FAM161A: variants seen among roughly 807,000 people sequenced by gnomAD.
FAM161A encodes the protein FAM161 centrosomal protein A, also known as protein FAM161A.
Under a neutral mutation model 70.9 loss-of-function variants are expected in FAM161A, and 57 were observed. The observed-to-expected ratio is 0.80, with a 90% confidence interval of 0.65 to 1.00. The LOEUF (loss-of-function observed/expected upper bound fraction) is 1.00. Ranked by LOEUF, FAM161A falls within the 50% of genes least tolerant of loss-of-function variation. The probability of loss-of-function intolerance (pLI) is 0.00; values close to 1 mark genes in which losing one functional copy is unlikely to be tolerated. For synonymous variants in FAM161A, 299 were observed against 295.7 expected, an observed-to-expected ratio of 1.01 and a Z score of -0.12; for missense variants, 880 against 836.0, an observed-to-expected ratio of 1.05 and a Z score of -0.65.
chr2:61,835,466 C>CA (rs1672736075), intron 5 of FAM161A: 1 of 146,382 alleles, frequency 6.8e-6, no homozygotes, highest in African/African-American at 2.6e-5. Context: ...TACAGACTCA[C>CA]TTAAAAAAAA....
At chr2:61,806,680 CTTTTTTTTT>C in the FAM161A span, among the ~76,000 whole-genome samples, 40 of 61,590 alleles carry the variant, frequency 6.5e-4, no homozygotes, top group Admixed American at 2.4e-3. Context: ...CTTTCCACGT[CTTTTTTTTT>C]TTTTTTTTTT....
chr2:61,846,822 T>C, intron 1 of FAM161A: 1 of 409,358 alleles, frequency 2.4e-6, no homozygotes, highest in African/African-American at 2.1e-5. Flanking sequence ...CGGTTATTCA[T>C]CTGGGCAGCA....
rs992513861 is a variant in FAM161A at position 61,846,120 on chromosome 2, G to T, written c.184-3760C>A. Among the ~76,000 whole-genome samples the T allele has an allele frequency of 2.9e-5, 4 of 139,876 alleles. No homozygotes were observed. In the South Asian group the frequency reaches 6.9e-4, roughly 24 times the overall value. 91.8% of individuals were successfully genotyped at this position (139,876 alleles called of 152,430 possible). A position where few individuals can be genotyped will look rare whatever the true frequency, so the allele number is the denominator to read the frequency against. On this transcript the variant is annotated intron_variant, in intron 1 of 6. Transcript: ENST00000404929. ...AAAAAAAAAAAAAAAAAAGAATGGA[G>T]AAATCTATAGGATCACAGAGTGTTT...
At chr2:61,841,229 G>A (rs926439581) in intron 2 of FAM161A, among the ~76,000 whole-genome samples, 5 of 152,028 alleles carry the variant, frequency 3.3e-5, no homozygotes, top group African/African-American at 7.2e-5. Flanking sequence ...TCACTGCTAC[G>A]AAGTCAAGCC....
intron 4 of FAM161A, 181 bp from the exon 5 acceptor site, chr2:61,836,290 T>C (rs141330241): frequency 2.4e-5 from 14 of 578,006 alleles, no homozygotes; most frequent in East Asian, 6.1e-5. Context: ...TCCTCTTCTA[T>C]ACCGGTTAAT....
At chr2:61,843,410 A>G (rs1673091892) in intron 1 of FAM161A, among the ~76,000 whole-genome samples, 1 of 152,024 alleles carries the variant, frequency 6.6e-6, no homozygotes, top group Non-Finnish European at 1.5e-5. Context: ...TATGGGCATG[A>G]GCCACCGTGC....
chr2:61,847,577 C>G (rs1000121249), intron 1 of FAM161A, among the ~76,000 whole-genome samples: 6 of 152,040 alleles, frequency 3.9e-5, no homozygotes, highest in African/African-American at 1.4e-4. Context: ...TTCAGACCAG[C>G]CTGGGTAACA....
intron 5 of FAM161A, among the ~76,000 whole-genome samples, chr2:61,832,263 A>C (rs10165560): frequency 0.22 from 32,899 of 149,122 alleles, 4,059 homozygotes; most frequent in Non-Finnish European, 0.25. Flanking sequence ...AAAAAAACCA[A>C]CAACAACAAC....
rs115198806 is a variant in FAM161A at position 61,837,038 on chromosome 2, T to A, written c.1752-929A>T. Among the ~76,000 whole-genome samples the A allele has an allele frequency of 7.6e-3, 1,153 of 152,256 alleles. 13 individuals are homozygous for A. Among genetic ancestry groups the A allele is most frequent in the African/African-American group, 0.026 (1,062 of 41,546 alleles). ...TGCCACCACACCTGGCTAATTTTTT[T>A]AAATTTTTTGTAGAGATGGGGGTCT... On this transcript the variant is annotated intron_variant, in intron 4 of 6. Coordinates refer to ENST00000404929, the MANE Select transcript of FAM161A (RefSeq NM_001201543.2).
chr2:61,839,555 T>C lies in FAM161A; in HGVS notation c.1449A>G (p.Leu483=). ...ACAAATAAGGCCAACGTGTTTCTTT[T>C]AAATTTTCTTCATCTGCTTCGATGT... ...LADIEADEEN[L]KETRWPYLSP... Residue 483 remains leucine (L), a synonymous_variant, in exon 3 of 7, where the codon TTA becomes TTG. Transcript: ENST00000404929. 1.9e-6 allele frequency: 3 copies of C among 1,614,264 alleles called. No homozygotes were observed. Among genetic ancestry groups the C allele is most frequent in the Non-Finnish European group, 2.5e-6 (3 of 1,180,054 alleles).
rs1572854468 is a variant in FAM161A, at chr2:61,825,523, T to C, written c.*932A>G. ...TTCCTAATAATTTACAAATCAAAAATAATTTGGACTAGAACTAAGGATAAA... is the reference window on the plus strand; with the variant it reads ...TTCCTAATAATTTACAAATCAAAAACAATTTGGACTAGAACTAAGGATAAA... On this transcript the variant is annotated 3_prime_UTR_variant, in exon 7 of 7. Coordinates refer to ENST00000404929, the MANE Select transcript of FAM161A (RefSeq NM_001201543.2). The C allele has an allele frequency of 2.3e-6, 1 of 441,430 alleles. No homozygotes were observed. The highest frequency in any genetic ancestry group is 6.9e-5 in the East Asian group (1 of 14,396). The allele number at this position is 441,430 out of a possible 1,614,324, so 27.3% of individuals were successfully genotyped here. A position where few individuals can be genotyped will look rare whatever the true frequency, so the allele number is the denominator to read the frequency against.
intron 5 of FAM161A, among the ~76,000 whole-genome samples, chr2:61,834,351 G>A (rs1223860952): frequency 6.6e-6 from 1 of 152,132 alleles, no homozygotes; most frequent in African/African-American, 2.4e-5. Context: ...GAGAATATAA[G>A]AGGGAGAGTG....
At chr2:61,844,485 G>T (rs1335259198) in intron 1 of FAM161A, among the ~76,000 whole-genome samples, 4 of 152,038 alleles carry the variant, frequency 2.6e-5, no homozygotes, top group African/African-American at 9.7e-5. Context: ...GATCACTTGA[G>T]GTCAGGAGTT....
At chr2:61,844,724 A>C (rs1673144707) in intron 1 of FAM161A, among the ~76,000 whole-genome samples, 1 of 151,844 alleles carries the variant, frequency 6.6e-6, no homozygotes, top group Admixed American at 6.6e-5. Flanking sequence ...ACAAACAAAA[A>C]CTCTACCTTT....
chr2:61,839,298 AAT>A, intron 3 of FAM161A, 121 bp downstream of exon 3: 1 of 831,740 alleles, frequency 1.2e-6, no homozygotes, highest in South Asian at 1.6e-5. Context: ...TATATAGTAA[AAT>A]ATCTTATAGA....
chr2:61,826,644 G>C (rs375275247), intron 6 of FAM161A, 45 bp from the exon 7 acceptor site: 2 of 1,556,042 alleles, frequency 1.3e-6, no homozygotes, highest in Non-Finnish European at 8.8e-7. Flanking sequence ...AAATGAGTTG[G>C]TTTAAAGGTA....
intron 5 of FAM161A, among the ~76,000 whole-genome samples, chr2:61,827,609 C>CA (rs71644452): frequency 0.81 from 87,272 of 107,738 alleles, 35,227 homozygotes; most frequent in Middle Eastern, 0.9. Context: ...GACTCTGTCT[C>CA]AAAAAAAAAA....
At chr2:61,809,143 G>T in the FAM161A span, among the ~76,000 whole-genome samples, 1 of 152,094 alleles carries the variant, frequency 6.6e-6, no homozygotes, top group African/African-American at 2.4e-5. Flanking sequence ...AAAGTGCTGG[G>T]ATTACAGGCA....
chr2:61,814,194 G>A, the FAM161A span, among the ~76,000 whole-genome samples: 1 of 152,158 alleles, frequency 6.6e-6, no homozygotes, highest in Admixed American at 6.5e-5. Context: ...CTCAGAAATG[G>A]ATTGGAATTC....
Sources: allele counts gnomAD v4.1 joint callset (sites outside exome capture counted in the v4.1 genomes callset), GRCh38; gene constraint gnomAD v4.1.1; transcripts MANE v1.5; gene names NCBI Gene and HGNC (gene_info 2026-07-23, HGNC 2026-07-21).